Variants in HNF4G observed in about 807,000 individuals in gnomAD.
The protein encoded by HNF4G is hepatocyte nuclear factor 4-gamma.
A neutral mutation model predicts 50.9 loss-of-function variants in HNF4G; 21 were observed. That is an observed-to-expected ratio of 0.41 (90% CI 0.29 to 0.59). The LOEUF (loss-of-function observed/expected upper bound fraction) is 0.59, where lower values mean the gene tolerates loss of function less well. HNF4G is among the 20% of genes least tolerant of loss of function. The pLI is 0.26. For missense variants in HNF4G, 527 were observed against 559.4 expected (o/e 0.94, Z 0.58); for synonymous variants, 198 against 185.6 (o/e 1.07, Z -0.54).
chr8:75,430,500 GA>G (rs1810988737), intron 1 of HNF4G, among the ~76,000 whole-genome samples: 1 of 144,572 alleles, frequency 6.9e-6, no homozygotes, highest in Admixed American at 7.2e-5. Context: ...GAGAGAGAGA[GA>G]GGGAGAGAGA....
chr8:75,557,599 C>T (rs913936557), intron 6 of HNF4G, among the ~76,000 whole-genome samples: 5 of 152,010 alleles, frequency 3.3e-5, no homozygotes, highest in Non-Finnish European at 7.4e-5. Flanking sequence ...CCAGCCTGGG[C>T]GATAGAGACT....
intron 1 of HNF4G, among the ~76,000 whole-genome samples, chr8:75,487,090 T>C (rs2130671755): frequency 6.6e-6 from 1 of 152,230 alleles, no homozygotes; most frequent in East Asian, 1.9e-4. Context: ...AAAAACCCAG[T>C]TTTTTACTCA....
At chr8:75,552,448 CAAATTTACAAATTTA>C (rs1806986675) in intron 4 of HNF4G, among the ~76,000 whole-genome samples, 1 of 151,288 alleles carries the variant, frequency 6.6e-6, no homozygotes, top group Non-Finnish European at 1.5e-5. Context: ...TCTAAAATTA[CAAATTTACAAATTTA>C]CAAATCTTAC....
At chr8:75,544,413 T>G (rs1806712744) in intron 2 of HNF4G, among the ~76,000 whole-genome samples, 1 of 152,196 alleles carries the variant, frequency 6.6e-6, no homozygotes. Context: ...ATAAGAGTAT[T>G]TTTCTTCATG....
intron 2 of HNF4G, among the ~76,000 whole-genome samples, chr8:75,495,034 A>G (rs1812732529): frequency 6.6e-6 from 1 of 152,166 alleles, no homozygotes; most frequent in South Asian, 2.1e-4. Flanking sequence ...ATCAAATAAC[A>G]AAACACTGAA....
intron 1 of HNF4G, among the ~76,000 whole-genome samples, chr8:75,477,781 G>A (rs1293769385): frequency 4.0e-5 from 6 of 151,718 alleles, no homozygotes; most frequent in Admixed American, 2.6e-4. Flanking sequence ...CAGTCTGACC[G>A]ATATGGAGAA....
intron 2 of HNF4G, among the ~76,000 whole-genome samples, chr8:75,515,856 CCT>C (rs1805873870): frequency 6.7e-6 from 1 of 150,326 alleles, no homozygotes; most frequent in Non-Finnish European, 1.5e-5. Flanking sequence ...ACCTCCCCCT[CCT>C]GGGTTTAAGT....
intron 1 of HNF4G, among the ~76,000 whole-genome samples, chr8:75,429,745 A>G (rs1810963287): frequency 6.6e-6 from 1 of 152,200 alleles, no homozygotes; most frequent in African/African-American, 2.4e-5. Context: ...TGAAGAAAGA[A>G]GGCTAGAATC....
intron 1 of HNF4G, among the ~76,000 whole-genome samples, chr8:75,420,705 T>C (rs1326476404): frequency 6.6e-6 from 1 of 152,224 alleles, no homozygotes; most frequent in Non-Finnish European, 1.5e-5. Flanking sequence ...TCATATTTAT[T>C]GATGATTGGA....
upstream of HNF4G, among the ~76,000 whole-genome samples, chr8:75,538,426 T>C (rs969898967): frequency 5.3e-5 from 8 of 152,192 alleles, no homozygotes; most frequent in African/African-American, 1.9e-4. Context: ...CCTATCTTTT[T>C]CTTTTTTACT....
At position 75,564,121 on chromosome 8, in the gene HNF4G, C is replaced by A; in HGVS notation, c.*25C>A. ...AAAATGTGTTTACTTCAGAACGGCA[C>A]TACATAAATGTGAAAAGTTGTTGAT... On this transcript the variant is annotated 3_prime_UTR_variant, in exon 10 of 10. Coordinates refer to ENST00000396423, the MANE Select transcript of HNF4G (RefSeq NM_004133.5). The A allele has an allele frequency of 6.2e-7, 1 of 1,610,920 alleles. No individual in the cohort carries two copies. Among genetic ancestry groups the A allele is most frequent in the Non-Finnish European group, 8.5e-7 (1 of 1,178,244 alleles).
chr8:75,514,832 A>G (rs1805849931), intron 2 of HNF4G, among the ~76,000 whole-genome samples: 1 of 151,858 alleles, frequency 6.6e-6, no homozygotes, highest in African/African-American at 2.4e-5. Flanking sequence ...TTTCAAAATT[A>G]TTTTCTGCCT....
chr8:75,505,348 C>T (rs1813048212), intron 2 of HNF4G, among the ~76,000 whole-genome samples: 1 of 152,084 alleles, frequency 6.6e-6, no homozygotes, highest in Non-Finnish European at 1.5e-5. Context: ...TTCATTTGTA[C>T]TATCCATTTC....
chr8:75,550,953 G>A (rs548848222), intron 3 of HNF4G, among the ~76,000 whole-genome samples: 11 of 151,932 alleles, frequency 7.2e-5, no homozygotes, highest in African/African-American at 1.4e-4. Flanking sequence ...ATTTTTGCTC[G>A]TGTTTTATAG....
chr8:75,467,570 G>T (rs1216122414), intron 1 of HNF4G, among the ~76,000 whole-genome samples: 1 of 151,872 alleles, frequency 6.6e-6, no homozygotes, highest in African/African-American at 2.4e-5. Flanking sequence ...TGAGAGAGGG[G>T]AATCACTTGA....
intron 9 of HNF4G, among the ~76,000 whole-genome samples, chr8:75,560,974 C>T (rs189567455): frequency 5.9e-5 from 9 of 152,146 alleles, no homozygotes; most frequent in East Asian, 1.9e-4. Flanking sequence ...TATTGACAAT[C>T]GAAGGGTTTT....
intron 2 of HNF4G, among the ~76,000 whole-genome samples, chr8:75,494,300 GCACA>G (rs755362411): frequency 0.085 from 6,556 of 77,000 alleles, 207 homozygotes; most frequent in Admixed American, 0.14. Flanking sequence ...CTCCCATACA[GCACA>G]CACACACACA....
In HNF4G at chr8:75,509,953, A is replaced by G. The variant is rs116013405; in HGVS notation, c.-24+19745A>G. On this transcript the variant is annotated intron_variant, in intron 2 of 10. Transcript: ENST00000354370. The stretch of plus-strand genomic sequence containing the variant: ...ATTTTAGATTGTACTTCTACTTATT[A>G]AAGAAAAATTACTATAAAAGAGCCT... 8.1e-3 allele frequency among the ~76,000 whole-genome samples: 1,228 copies of G among 152,302 alleles called. 13 individuals carry two copies. Among genetic ancestry groups the G allele is most frequent in the African/African-American group, 0.028 (1,162 of 41,548 alleles).
At chr8:75,553,292 A>G in intron 5 of HNF4G, 95 bp downstream of exon 5, 1 of 966,554 alleles carries the variant, frequency 1.0e-6, no homozygotes, top group South Asian at 1.7e-5. Context: ...CATATTCTAT[A>G]TTACTGTATT....
Sources: gnomAD v4.1 joint callset for allele counts (sites outside exome capture counted in the v4.1 genomes callset) on GRCh38, gnomAD v4.1.1 for gene constraint, MANE v1.5 for transcripts, NCBI Gene and HGNC (gene_info 2026-07-23, HGNC 2026-07-21) for gene names.